The following FBXL17 variants were observed in gnomAD, a reference collection of about 807,000 sequenced individuals.
FBXL17 encodes the protein F-box/LRR-repeat protein 17.
In FBXL17, 22 loss-of-function variants were observed where a neutral mutation model predicts 66.2. The ratio of observed to expected loss-of-function variants is 0.33; its 90% CI spans 0.24 to 0.47. FBXL17 has a LOEUF of 0.47. Among genes scored for constraint, FBXL17 ranks in the 20% least tolerant of loss-of-function variants. The pLI is 1.00. For missense variants in FBXL17, 878 were observed against 948.2 expected, an observed-to-expected ratio of 0.93 and a Z score of 0.97; for synonymous variants, 474 against 400.5, an observed-to-expected ratio of 1.18 and a Z score of -2.19.
intron 4 of FBXL17, among the ~76,000 whole-genome samples, chr5:108,293,265 CTAA>C (rs1758197674): frequency 6.6e-6 from 1 of 151,922 alleles, no homozygotes; most frequent in Non-Finnish European, 1.5e-5. Flanking sequence ...TATTGTAATA[CTAA>C]TAAGTTATTT....
chr5:107,966,373 GCTCT>G (rs1752140137), intron 7 of FBXL17, among the ~76,000 whole-genome samples: 1 of 152,112 alleles, frequency 6.6e-6, no homozygotes, highest in African/African-American at 2.4e-5. Context: ...AAGCCCTGAG[GCTCT>G]CTAATTCAAT....
intron 6 of FBXL17, among the ~76,000 whole-genome samples, chr5:108,144,187 C>G (rs1751470264): frequency 6.6e-6 from 1 of 151,996 alleles, no homozygotes; most frequent in African/African-American, 2.4e-5. Context: ...TTTCTCAAAC[C>G]AAGGAGAAGA....
chr5:107,890,782 T>C lies in FBXL17; in HGVS notation c.1823-9603A>G, dbSNP rs143124687. Among the ~76,000 whole-genome samples, 811 of 152,176 alleles carry C rather than the reference T, an allele frequency of 5.3e-3. 5 individuals are homozygous for C. Among genetic ancestry groups the C allele is most frequent in the Non-Finnish European group, 7.9e-3 (540 of 68,012 alleles). On this transcript the variant is annotated intron_variant, in intron 7 of 8. Transcript: ENST00000542267. ...ACATACATGTTGTCAGGCTGACCAA[T>C]AAACATTGTAAAAGTATTTTGATAG...
At chr5:108,177,305 G>A (rs1172773663) in intron 6 of FBXL17, among the ~76,000 whole-genome samples, 1 of 152,086 alleles carries the variant, frequency 6.6e-6, no homozygotes, top group African/African-American at 2.4e-5. Flanking sequence ...TACAAATGGG[G>A]TTAATTGGAA....
intron 4 of FBXL17, among the ~76,000 whole-genome samples, chr5:108,260,355 C>G (rs1453153572): frequency 6.6e-6 from 1 of 152,102 alleles, no homozygotes; most frequent in Non-Finnish European, 1.5e-5. Flanking sequence ...TGACCAGAGG[C>G]TGGTCATCCG....
At chr5:107,996,304 G>A (rs1343716319) in intron 7 of FBXL17, among the ~76,000 whole-genome samples, 1 of 151,940 alleles carries the variant, frequency 6.6e-6, no homozygotes. Flanking sequence ...GAATTCCTAT[G>A]ACACTATTTT....
At chr5:107,996,161 T>C (rs1008785597) in intron 7 of FBXL17, among the ~76,000 whole-genome samples, 6 of 152,216 alleles carry the variant, frequency 3.9e-5, no homozygotes, top group Non-Finnish European at 8.8e-5. Flanking sequence ...CTTTGTTTCA[T>C]ACAATATCAC....
chr5:108,240,356 C>A (rs1755801663), intron 4 of FBXL17, among the ~76,000 whole-genome samples: 1 of 152,044 alleles, frequency 6.6e-6, no homozygotes, highest in Admixed American at 6.6e-5. Flanking sequence ...CTAGGCCTGG[C>A]AGCACTCATC....
chr5:108,087,725 C>T (rs573201579), intron 6 of FBXL17, among the ~76,000 whole-genome samples: 2 of 152,166 alleles, frequency 1.3e-5, no homozygotes, highest in South Asian at 2.1e-4. Flanking sequence ...CAATTAAATA[C>T]ATATGAGAAA....
At chr5:108,280,957 A>C (rs531202899) in intron 4 of FBXL17, among the ~76,000 whole-genome samples, 5 of 151,838 alleles carry the variant, frequency 3.3e-5, no homozygotes, top group African/African-American at 7.2e-5. Flanking sequence ...GAATCAATTC[A>C]GTGCAAGGAT....
intron 6 of FBXL17, among the ~76,000 whole-genome samples, chr5:108,172,166 T>C (rs1219043361): frequency 2.0e-5 from 3 of 152,220 alleles, no homozygotes; most frequent in Admixed American, 6.5e-5. Flanking sequence ...GTTCTGGCTG[T>C]TGTTTAGACT....
rs910500351 is a variant in FBXL17 at position 108,380,968 on chromosome 5, G to C, written c.724C>G (p.Pro242Ala). 8.2e-7 allele frequency: 1 copy of C among 1,219,362 alleles called. No individual in the cohort carries two copies. Among genetic ancestry groups the C allele is most frequent in the Non-Finnish European group, 1.0e-6 (1 of 979,312 alleles). 75.5% of individuals were successfully genotyped at this position (1,219,362 alleles called of 1,614,324 possible). A position where few individuals can be genotyped will look rare whatever the true frequency, so the allele number is the denominator to read the frequency against. ...PAGGGASPPR[P>A]PDAGCCQAPE... ...GCCTGGCAGCAGCCGGCGTCGGGGG[G>C]CCGGGGCGGCGAAGCGCCTCCCCCC... is the stretch of plus-strand genomic sequence containing the variant. The change falls in exon 1 of 9, where the codon CCC (proline) becomes GCC (alanine). Residue 242 changes from proline (P) to alanine (A), a missense_variant. Pro to Ala is a conservative substitution (Grantham distance 27). Coordinates refer to ENST00000542267, the MANE Select transcript of FBXL17 (RefSeq NM_001163315.3).
chr5:107,955,605 TAGTA>T (rs1342278702), intron 7 of FBXL17, among the ~76,000 whole-genome samples: 1 of 152,196 alleles, frequency 6.6e-6, no homozygotes, highest in Non-Finnish European at 1.5e-5. Flanking sequence ...TACAGCACTT[TAGTA>T]AGTGTCACCA....
intron 8 of FBXL17, among the ~76,000 whole-genome samples, chr5:107,872,096 C>G (rs1349036900): frequency 6.6e-6 from 1 of 152,130 alleles, no homozygotes; most frequent in African/African-American, 2.4e-5. Flanking sequence ...AATTTATGAT[C>G]AGCAAAAATT....
chr5:108,016,241 T>C (rs910292902), intron 7 of FBXL17, among the ~76,000 whole-genome samples: 2 of 152,134 alleles, frequency 1.3e-5, no homozygotes, highest in Non-Finnish European at 2.9e-5. Flanking sequence ...AGATCAGTAC[T>C]GCGATCAAGA....
intron 6 of FBXL17, among the ~76,000 whole-genome samples, chr5:108,170,149 AATT>A (rs766741482): frequency 6.6e-6 from 1 of 152,232 alleles, no homozygotes; most frequent in Non-Finnish European, 1.5e-5. Flanking sequence ...AATGAAAAAA[AATT>A]ATATCAACAC....
At chr5:108,157,882 T>G (rs1752054256) in intron 6 of FBXL17, among the ~76,000 whole-genome samples, 1 of 152,030 alleles carries the variant, frequency 6.6e-6, no homozygotes, top group Non-Finnish European at 1.5e-5. Flanking sequence ...ATGGTAACTT[T>G]CCATTAATAC....
At chr5:108,345,658 A>ACATCAGCAGAAAC (rs1395132969) in intron 4 of FBXL17, among the ~76,000 whole-genome samples, 33 of 151,708 alleles carry the variant, frequency 2.2e-4, no homozygotes, top group Middle Eastern at 3.4e-3. Context: ...ATAAACCACA[A>ACATCAGCAGAAAC]CATCAGCAGA....
intron 5 of FBXL17, among the ~76,000 whole-genome samples, chr5:108,208,865 C>G (rs1009824212): frequency 1.3e-5 from 2 of 152,070 alleles, no homozygotes; most frequent in African/African-American, 4.8e-5. Context: ...GTGGCAGCTT[C>G]ATGGGGATAG....
Sources: allele counts gnomAD v4.1 joint callset (sites outside exome capture counted in the v4.1 genomes callset), GRCh38; gene constraint gnomAD v4.1.1; transcripts MANE v1.5; gene names NCBI Gene and HGNC (gene_info 2026-07-23, HGNC 2026-07-21).